The following SOX13 variants were observed in gnomAD, a reference collection of about 807,000 sequenced individuals.
The protein encoded by SOX13 is transcription factor SOX-13.
In SOX13, 28 loss-of-function variants were observed where a neutral mutation model predicts 71.8. The ratio of observed to expected loss-of-function variants is 0.39; its 90% CI spans 0.29 to 0.53. SOX13 has a LOEUF of 0.53. Among genes scored for constraint, SOX13 ranks in the 20% least tolerant of loss-of-function variants. The probability of loss-of-function intolerance (pLI) is 0.70; values close to 1 mark genes in which losing one functional copy is unlikely to be tolerated. For synonymous variants in SOX13, 309 were observed against 317.8 expected, an observed-to-expected ratio of 0.97 and a Z score of 0.29; for missense variants, 627 against 810.3, an observed-to-expected ratio of 0.77 and a Z score of 2.75.
rs1414583146 is a variant in SOX13 at position 204,123,759 on chromosome 1, C to G, written c.1330C>G (p.Gln444Glu). 7 of 1,614,180 alleles carry G rather than the reference C, an allele frequency of 4.3e-6. No homozygotes were observed. The highest frequency in any genetic ancestry group is 5.9e-6 in the Non-Finnish European group (7 of 1,180,018). Reference protein sequence around the residue: ...WAKDERRKILQAFPDMHNSSI... With the variant: ...WAKDERRKILEAFPDMHNSSI... ...CAAGGATGAGCGGAGGAAGATCCTG[C>G]AAGCCTTCCCAGACATGCACAACTC... is the stretch of plus-strand genomic sequence containing the variant. Residue 444 changes from glutamine (Q) to glutamate (E), a missense_variant, in exon 12 of 14, where the codon CAA (glutamine) becomes GAA (glutamate). Physicochemically the swap from Gln to Glu is conservative, Grantham distance 29. Transcript: ENST00000367204. The surrounding 1 kb of genome is among the most constrained non-coding windows in gnomAD (Gnocchi z 5.0).
At chr1:204,120,881 A>G (rs1424483610) in intron 7 of SOX13, among the ~76,000 whole-genome samples, 1 of 152,162 alleles carries the variant, frequency 6.6e-6, no homozygotes, top group Non-Finnish European at 1.5e-5. Context: ...TGTGGAGTCT[A>G]GAGGCCCTGG....
intron 1 of SOX13, among the ~76,000 whole-genome samples, chr1:204,110,413 G>A (rs1182930857): frequency 6.6e-6 from 1 of 151,116 alleles, no homozygotes; most frequent in African/African-American, 2.4e-5. Flanking sequence ...CAATCCTCCT[G>A]CCTTAGCCTC....
chr1:204,122,079 C>T (rs1311341021), intron 8 of SOX13, 94 bp downstream of exon 8: 5 of 1,055,046 alleles, frequency 4.7e-6, no homozygotes, highest in Non-Finnish European at 7.0e-6. Context: ...ACTGGTGAGC[C>T]CTGGCATCCT....
chr1:204,088,989 G>T (rs1428648289), intron 1 of SOX13, among the ~76,000 whole-genome samples: 3 of 152,186 alleles, frequency 2.0e-5, no homozygotes. Flanking sequence ...CCCTCTCAGC[G>T]ATTGTGACCA....
At chr1:204,078,309 C>T (rs1655825728) in intron 1 of SOX13, 1 of 152,212 alleles carries the variant, frequency 6.6e-6, no homozygotes, top group Non-Finnish European at 1.5e-5. Flanking sequence ...ATTTTCTCCT[C>T]TCTGGGGGTG....
At chr1:204,095,789 C>T (rs746855552) in intron 1 of SOX13, among the ~76,000 whole-genome samples, 5 of 152,150 alleles carry the variant, frequency 3.3e-5, no homozygotes, top group Non-Finnish European at 7.4e-5. Context: ...TTCATCTTCC[C>T]AAACTGAAAC....
At chr1:204,110,615 G>C (rs541967507) in intron 1 of SOX13, among the ~76,000 whole-genome samples, 1 of 152,074 alleles carries the variant, frequency 6.6e-6, no homozygotes, top group Non-Finnish European at 1.5e-5. Flanking sequence ...ATCCATGGAT[G>C]TGGAACCTAC....
At chr1:204,080,996 C>T (rs1655895014) in intron 1 of SOX13, among the ~76,000 whole-genome samples, 1 of 150,298 alleles carries the variant, frequency 6.7e-6, no homozygotes, top group Non-Finnish European at 1.5e-5. Context: ...ACCGCAACAT[C>T]CGCCTCCCAG....
chr1:204,123,268 C>T lies in SOX13; in HGVS notation c.1231+60C>T, dbSNP rs1161958932. 1 of 1,373,122 alleles carries T rather than the reference C, an allele frequency of 7.3e-7. No individual in the cohort carries two copies. Among genetic ancestry groups the T allele is most frequent in the African/African-American group, 1.4e-5 (1 of 70,382 alleles). 85.1% of individuals were successfully genotyped at this position (1,373,122 alleles called of 1,614,324 possible). On this transcript the variant is annotated intron_variant, in intron 11 of 13. Transcript: ENST00000367204. The surrounding 1 kb of genome is among the most constrained non-coding windows in gnomAD (Gnocchi z 5.0). ...GGCCCAACTCTGTATTCCACCAGGG[C>T]CAGGGCTGTGTCTGCCTCTGATCTC...
chr1:204,116,819 C>A, intron 5 of SOX13, 140 bp downstream of exon 5: 2 of 1,431,890 alleles, frequency 1.4e-6, no homozygotes, highest in Non-Finnish European at 1.9e-6. Context: ...TGGCCAGGGG[C>A]TGTAGGATTC....
rs114327971 is a variant in SOX13 at position 204,124,871 on chromosome 1, C to A, written c.1592+14C>A. On this transcript the variant is annotated intron_variant, in intron 13 of 13. Coordinates refer to ENST00000367204, the MANE Select transcript of SOX13 (RefSeq NM_005686.3). The stretch of plus-strand genomic sequence containing the variant: ...CTACGTGATCCCGTGAGCAGGCCCC[C>A]CCGCAGGCAGCCAGGAGACTGTGTG... The A allele has an allele frequency of 2.7e-3, 4,118 of 1,543,530 alleles. 71 individuals carry two copies. The African/African-American group carries it at 0.041, about 16-fold the overall frequency.
intron 1 of SOX13, among the ~76,000 whole-genome samples, chr1:204,086,961 C>T (rs374387000): frequency 2.0e-5 from 3 of 150,802 alleles, no homozygotes; most frequent in Admixed American, 6.6e-5. Context: ...CTCACTCTGT[C>T]ACCCAGGCTG....
Position 204,126,088 on chromosome 1 carries a change from A to C in SOX13, c.1823A>C (p.Glu608Ala). Residue 608 changes from glutamate to alanine, a missense_variant, in exon 14 of 14, where the codon GAG (glutamate) becomes GCG (alanine). By Grantham distance (107) the Glu-to-Ala change is moderately radical. Around this residue, in one of 3 missense-constraint regions of SOX13, gnomAD observed 148 missense variants for 192.7 expected, o/e 0.77. Transcript: ENST00000367204. ...MYRYSEDEDS[E>A]GEEKSDGELV... ...CGGTACAGCGAGGACGAGGACTCGG[A>C]GGGCGAAGAGAAGAGCGATGGGGAG... 1 of 1,613,952 alleles carries C rather than the reference A, an allele frequency of 6.2e-7. No homozygotes were observed. The highest frequency in any genetic ancestry group is 8.5e-7 in the Non-Finnish European group (1 of 1,179,870).
intron 1 of SOX13, among the ~76,000 whole-genome samples, chr1:204,086,703 C>G (rs1656028849): frequency 6.6e-6 from 1 of 152,046 alleles, no homozygotes; most frequent in Non-Finnish European, 1.5e-5. Flanking sequence ...AAATATGGAG[C>G]CATTTACCTA....
intron 5 of SOX13, 76 bp from the exon 6 acceptor site, chr1:204,117,046 T>C (rs1571590592): frequency 7.1e-7 from 1 of 1,416,058 alleles, no homozygotes; most frequent in Non-Finnish European, 9.9e-7. Flanking sequence ...GAAAGCAGGG[T>C]GTGGTTAGGG....
rs763978965 is a variant in SOX13 at position 204,114,571 on chromosome 1, A to G, written c.384A>G (p.Leu128=). ...CCAGTGACTGGAAGGAGAGGTTTCT[A>G]GGAAGGAACTCTATGGAAGCCAAAG... ...LLSSDWKERF[L]GRNSMEAKDV... is the part of the protein sequence containing the mutation. The change falls in exon 4 of 14, where the codon CTA becomes CTG. Residue 128 remains leucine (L), a synonymous_variant. Transcript: ENST00000367204. 6.2e-7 allele frequency: 1 copy of G among 1,613,888 alleles called. No homozygotes were observed. Among genetic ancestry groups the G allele is most frequent in the African/African-American group, 1.3e-5 (1 of 75,016 alleles).
Position 204,081,130 on chromosome 1 carries a change from C to T in SOX13, c.-2+7419C>T, listed in dbSNP as rs1655897601. On this transcript the variant is annotated intron_variant, in intron 1 of 13. Coordinates refer to ENST00000367204, the MANE Select transcript of SOX13 (RefSeq NM_005686.3). The surrounding 1 kb of genome is among the most constrained non-coding windows in gnomAD (Gnocchi z 4.3). ...ATTTCTCCATGTTGGTTAGGCTGGT[C>T]TCGAACTCCCGACCTCAGGTGATCC... Among the ~76,000 whole-genome samples, 1 of 152,036 alleles carries T rather than the reference C, an allele frequency of 6.6e-6. No individual in the cohort carries two copies. Among genetic ancestry groups the T allele is most frequent in the African/African-American group, 2.4e-5 (1 of 41,396 alleles).
rs1460198823 is a variant in SOX13 at position 204,099,158 on chromosome 1, AG to A, written c.-1-13756del. 2.0e-5 allele frequency among the ~76,000 whole-genome samples: 3 copies of A among 152,072 alleles called. No homozygotes were observed. In the East Asian group the frequency reaches 5.8e-4, roughly 29 times the overall value. ...AAGCCAGTATAATCCAACACTTAAA[AG>A]AAGAGACTCATTAGCCAGTCTCTGG... On this transcript the variant is annotated intron_variant, in intron 1 of 13. Transcript: ENST00000367204.
rs761347286 is a variant in SOX13 at position 204,123,922 on chromosome 1, C to T, written c.1375+118C>T. ...TGTGTTGGACTCCAGTGGAATCTGA[C>T]GACAGGGGTGCAGGAGTTGCTGGGG... On this transcript the variant is annotated intron_variant, in intron 12 of 13. Coordinates refer to ENST00000367204, the MANE Select transcript of SOX13 (RefSeq NM_005686.3). The surrounding 1 kb of genome is among the most constrained non-coding windows in gnomAD (Gnocchi z 5.0). The T allele has an allele frequency of 2.3e-5, 27 of 1,190,222 alleles. No individual in the cohort carries two copies. In the East Asian group the frequency reaches 4.1e-4, roughly 18 times the overall value. 73.7% of individuals were successfully genotyped at this position (1,190,222 alleles called of 1,614,324 possible). A position where few individuals can be genotyped will look rare whatever the true frequency, so the allele number is the denominator to read the frequency against.
Sources: gnomAD v4.1 joint callset for allele counts (sites outside exome capture counted in the v4.1 genomes callset) on GRCh38, gnomAD v4.1.1 for gene constraint, gnomAD v4.1.1 regional missense constraint, Gnocchi (gnomAD v3.1) non-coding constraint, MANE v1.5 for transcripts, NCBI Gene and HGNC (gene_info 2026-07-23, HGNC 2026-07-21) for gene names.